The following PRR16 variants were observed in gnomAD, a reference collection of about 807,000 sequenced individuals.
The protein encoded by PRR16 is protein Largen.
A neutral mutation model predicts 18.2 loss-of-function variants in PRR16; 6 were observed. The observed-to-expected ratio is 0.33, with a 90% CI of 0.18 to 0.65. PRR16 has a LOEUF of 0.65. PRR16 is among the 30% of genes least tolerant of loss of function. PRR16 has a pLI of 0.74. For missense variants in PRR16, 412 were observed against 376.6 expected (o/e 1.09, Z -0.78); for synonymous variants, 151 against 147.8 (o/e 1.02, Z -0.16).
At chr5:120,466,261 C>A (rs1241540807) in intron 1 of PRR16, among the ~76,000 whole-genome samples, 6 of 152,120 alleles carry the variant, frequency 3.9e-5, no homozygotes, top group Admixed American at 3.9e-4. Context: ...TATATGACAT[C>A]TTTGGTAGAC....
At chr5:120,482,153 A>G (rs1749639322) in intron 1 of PRR16, among the ~76,000 whole-genome samples, 1 of 152,110 alleles carries the variant, frequency 6.6e-6, no homozygotes, top group South Asian at 2.1e-4. Flanking sequence ...TTTATTTTAC[A>G]TTCAGGGGGT....
At chr5:120,789,153 T>G in the PRR16 span, among the ~76,000 whole-genome samples, 1 of 152,098 alleles carries the variant, frequency 6.6e-6, no homozygotes, top group Non-Finnish European at 1.5e-5. Context: ...ACTTTTCTGA[T>G]AACTTATAAA....
At chr5:120,656,809 C>T (rs1755995438) in intron 1 of PRR16, among the ~76,000 whole-genome samples, 1 of 151,930 alleles carries the variant, frequency 6.6e-6, no homozygotes, top group Admixed American at 6.6e-5. Context: ...TTATTTCATT[C>T]AACCTACGTT....
chr5:120,775,872 T>G, the PRR16 span, among the ~76,000 whole-genome samples: 97 of 149,152 alleles, frequency 6.5e-4, no homozygotes, highest in African/African-American at 2.2e-3. Context: ...GGTCTCGAAC[T>G]CTTGACCTCA....
chr5:120,689,537 C>T (rs531673205), downstream of PRR16, among the ~76,000 whole-genome samples: 11 of 152,180 alleles, frequency 7.2e-5, no homozygotes, highest in South Asian at 6.2e-4. Flanking sequence ...CTTGAAACTA[C>T]GTTTTGTTAA....
the PRR16 span, among the ~76,000 whole-genome samples, chr5:120,694,068 T>A: frequency 7.2e-5 from 11 of 152,354 alleles, no homozygotes; most frequent in South Asian, 6.2e-4. Context: ...CATGTTGTTA[T>A]GAGGTCCTAA....
At chr5:120,673,324 T>C (rs1580865262) in intron 1 of PRR16, among the ~76,000 whole-genome samples, 2 of 152,360 alleles carry the variant, frequency 1.3e-5, no homozygotes, top group South Asian at 4.1e-4. Flanking sequence ...ATTTGGGGCA[T>C]TTCTACGTAT....
At chr5:120,577,456 G>C (rs1028030992) in intron 1 of PRR16, among the ~76,000 whole-genome samples, 1 of 151,416 alleles carries the variant, frequency 6.6e-6, no homozygotes, top group East Asian at 1.9e-4. Context: ...AAACCAAATA[G>C]GGGCAAAGGA....
chr5:120,710,524 A>G, the PRR16 span, among the ~76,000 whole-genome samples: 2 of 152,200 alleles, frequency 1.3e-5, no homozygotes, highest in East Asian at 1.9e-4. Context: ...GAACTACCAC[A>G]TGCATGGTAG....
chr5:120,735,975 T>C, the PRR16 span, among the ~76,000 whole-genome samples: 1 of 152,180 alleles, frequency 6.6e-6, no homozygotes, highest in Non-Finnish European at 1.5e-5. Context: ...TTTAAATCAA[T>C]TGTGAATTAA....
intron 1 of PRR16, among the ~76,000 whole-genome samples, chr5:120,480,420 A>G (rs552321652): frequency 1.3e-5 from 2 of 152,236 alleles, no homozygotes; most frequent in African/African-American, 4.8e-5. Flanking sequence ...TATTTATACA[A>G]TTTTCTTTTT....
chr5:120,787,032 C>T, the PRR16 span, among the ~76,000 whole-genome samples: 4 of 152,064 alleles, frequency 2.6e-5, no homozygotes, highest in African/African-American at 7.2e-5. Flanking sequence ...GCAATTAACC[C>T]GTTGATATGA....
At chr5:120,571,324 T>A (rs1024909473) in intron 1 of PRR16, among the ~76,000 whole-genome samples, 2 of 152,106 alleles carry the variant, frequency 1.3e-5, no homozygotes, top group African/African-American at 2.4e-5. Context: ...GAGGGAATAG[T>A]AAATGGAAGT....
chr5:120,624,300 G>T (rs1292368648), intron 1 of PRR16, among the ~76,000 whole-genome samples: 1 of 152,132 alleles, frequency 6.6e-6, no homozygotes, highest in Non-Finnish European at 1.5e-5. Flanking sequence ...ATATAATTTA[G>T]ACCTGGCTTG....
intron 1 of PRR16, among the ~76,000 whole-genome samples, chr5:120,667,335 T>A (rs1756423763): frequency 7.5e-6 from 1 of 133,772 alleles, no homozygotes; most frequent in Non-Finnish European, 1.7e-5. Context: ...TCTATTTGAT[T>A]CTTCTCTCTT....
intron 1 of PRR16, among the ~76,000 whole-genome samples, chr5:120,478,476 C>G (rs1239104462): frequency 6.6e-6 from 1 of 152,080 alleles, no homozygotes; most frequent in Non-Finnish European, 1.5e-5. Flanking sequence ...AGCTAGTATC[C>G]TGAATGCTTA....
chr5:120,622,398 T>C (rs56126743), intron 1 of PRR16, among the ~76,000 whole-genome samples: 17,277 of 152,120 alleles, frequency 0.11, 1,246 homozygotes, highest in Non-Finnish European at 0.15. Context: ...TACTCTAATA[T>C]TGTCTTCTGA....
intron 1 of PRR16, among the ~76,000 whole-genome samples, chr5:120,626,877 G>T (rs1449594025): frequency 6.6e-6 from 1 of 151,930 alleles, no homozygotes; most frequent in African/African-American, 2.4e-5. Context: ...TATTTCTCTT[G>T]GATATGATAA....
At chr5:120,699,620 G>T in the PRR16 span, among the ~76,000 whole-genome samples, 115 of 152,298 alleles carry the variant, frequency 7.6e-4, no homozygotes, top group Non-Finnish European at 1.2e-3. Context: ...AGAGTGAGTT[G>T]AGCATAGTTT....
Sources: gnomAD v4.1 joint callset for allele counts (sites outside exome capture counted in the v4.1 genomes callset) on GRCh38, gnomAD v4.1.1 for gene constraint, MANE v1.5 for transcripts, NCBI Gene and HGNC (gene_info 2026-07-23, HGNC 2026-07-21) for gene names.